DNAH11: variants seen among roughly 807,000 people sequenced by gnomAD.
DNAH11 encodes the protein dynein axonemal heavy chain 11.
In DNAH11, 442 loss-of-function variants were observed where a neutral mutation model predicts 526.0. The observed-to-expected ratio is 0.84, with a 90% CI of 0.78 to 0.91. The LOEUF (loss-of-function observed/expected upper bound fraction) is 0.91. DNAH11 is among the 40% of genes least tolerant of loss of function. The pLI is 0.00. For synonymous variants in DNAH11, 2,461 were observed against 1,935.9 expected (o/e 1.27, Z -7.12); for missense variants, 6,989 against 5,448.7 (o/e 1.28, Z -8.90).
At chr7:21,791,265 T>A (rs920825149) in intron 61 of DNAH11, among the ~76,000 whole-genome samples, 3 of 152,198 alleles carry the variant, frequency 2.0e-5, no homozygotes, top group South Asian at 2.1e-4. Context: ...CATGTGTGAT[T>A]TGGGGCTACC....
chr7:21,828,821 G>T, intron 65 of DNAH11, among the ~76,000 whole-genome samples: 1 of 143,170 alleles, frequency 7.0e-6, no homozygotes. Context: ...TGTTGTTGTT[G>T]TTGTTGTTGT....
intron 28 of DNAH11, among the ~76,000 whole-genome samples, chr7:21,645,082 G>A (rs556666459): frequency 6.6e-6 from 1 of 152,286 alleles, no homozygotes; most frequent in African/African-American, 2.4e-5. Flanking sequence ...ACAACATTAA[G>A]GTTATTATAA....
intron 3 of DNAH11, 91 bp downstream of exon 3, chr7:21,559,089 T>C (rs1249663082): frequency 6.2e-6 from 7 of 1,133,902 alleles, no homozygotes; most frequent in Middle Eastern, 2.7e-4. Flanking sequence ...ATTTGGAGGC[T>C]GAGGTGGGAG....
chr7:21,693,500 G>C (rs1293086324), intron 35 of DNAH11, among the ~76,000 whole-genome samples: 1 of 152,184 alleles, frequency 6.6e-6, no homozygotes, highest in African/African-American at 2.4e-5. Context: ...GTTGACAAGT[G>C]TCTTCTCTAT....
chr7:21,826,134 C>CTTTTTTCAATGCAGTA (rs1790284780), intron 65 of DNAH11, among the ~76,000 whole-genome samples: 1 of 152,022 alleles, frequency 6.6e-6, no homozygotes, highest in African/African-American at 2.4e-5. Context: ...ATCCAGGTGA[C>CTTTTTTCAATGCAGTA]AAAGCTGCGC....
At chr7:21,818,513 A>C (rs2128000944) in intron 65 of DNAH11, among the ~76,000 whole-genome samples, 174 bp downstream of exon 65, 1 of 152,266 alleles carries the variant, frequency 6.6e-6, no homozygotes, top group East Asian at 1.9e-4. Context: ...AGACTTTCAG[A>C]CTATTTATTT....
Position 21,854,509 on chromosome 7 carries a change from C to T in DNAH11, c.11202+54C>T, listed in dbSNP as rs150945232. ...GAAACTTTAGGAGTTCAATTTGTTT[C>T]TGGAACATTGGAATTTATTTTATTA... On this transcript the variant is annotated intron_variant, in intron 68 of 81. Transcript: ENST00000409508. 1.3e-4 allele frequency: 206 copies of T among 1,529,498 alleles called. No individual in the cohort carries two copies. The African/African-American group carries it at 2.7e-3, about 20-fold the overall frequency. 94.7% of individuals were successfully genotyped at this position (1,529,498 alleles called of 1,614,324 possible). A position where few individuals can be genotyped will look rare whatever the true frequency, so the allele number is the denominator to read the frequency against.
chr7:21,543,832 G>C (rs1467907160), intron 1 of DNAH11: 4 of 559,284 alleles, frequency 7.2e-6, no homozygotes, highest in Admixed American at 3.5e-5. Flanking sequence ...AGAATCCCGC[G>C]TTGAGCCTGT....
intron 1 of DNAH11, 122 bp from the exon 2 acceptor site, chr7:21,544,884 T>C (rs1782747433): frequency 2.7e-6 from 2 of 730,004 alleles, no homozygotes; most frequent in Non-Finnish European, 2.2e-6. Flanking sequence ...ACCTTGTTTA[T>C]AGGGCAGGCA....
At chr7:21,693,977 A>G (rs2128475850) in intron 35 of DNAH11, among the ~76,000 whole-genome samples, 1 of 152,254 alleles carries the variant, frequency 6.6e-6, no homozygotes, top group South Asian at 2.1e-4. Context: ...AGTGCCACGC[A>G]CTTTCAACCC....
chr7:21,683,970 A>T (rs2128473096), intron 32 of DNAH11, 26 bp downstream of exon 32: 1 of 1,610,000 alleles, frequency 6.2e-7, no homozygotes, highest in Middle Eastern at 1.7e-4. Flanking sequence ...TTCCGTCCAG[A>T]TAGGAAAAAC....
At chr7:21,790,353 G>GGCAGGAGAATGGCGTGAAC (rs1342984380) in intron 61 of DNAH11, among the ~76,000 whole-genome samples, 2 of 152,090 alleles carry the variant, frequency 1.3e-5, no homozygotes, top group Non-Finnish European at 2.9e-5. Flanking sequence ...AGGAGGCTGA[G>GGCAGGAGAATGGCGTGAAC]GCAGGAGAAT....
intron 32 of DNAH11, 89 bp from the exon 33 acceptor site, chr7:21,687,010 T>C: frequency 7.8e-7 from 1 of 1,287,030 alleles, no homozygotes. Flanking sequence ...TTCTAGAGCT[T>C]CTTAAACTTT....
rs528426220 is a variant in DNAH11, at chr7:21,610,858, G to A, written c.3852+4125G>A. Among the ~76,000 whole-genome samples the A allele has an allele frequency of 4.6e-5, 7 of 152,326 alleles. No individual in the cohort carries two copies. The East Asian group carries it at 5.8e-4, about 13-fold the overall frequency. On this transcript the variant is annotated intron_variant, in intron 20 of 81. Coordinates refer to ENST00000409508, the MANE Select transcript of DNAH11 (RefSeq NM_001277115.2). ...GAAAATATAAAAGAGCCTAAGGGACGCATAGAAAGAAGTTAGAATGCCGTC... is the reference window on the plus strand; with the variant it reads ...GAAAATATAAAAGAGCCTAAGGGACACATAGAAAGAAGTTAGAATGCCGTC...
At chr7:21,746,207 T>G (rs1486594361) in intron 51 of DNAH11, among the ~76,000 whole-genome samples, 1 of 152,168 alleles carries the variant, frequency 6.6e-6, no homozygotes, top group African/African-American at 2.4e-5. Context: ...GATACTGCTC[T>G]CCTAGTCCAA....
At chr7:21,857,762 A>G (rs918353234) in intron 68 of DNAH11, among the ~76,000 whole-genome samples, 1 of 152,152 alleles carries the variant, frequency 6.6e-6, no homozygotes, top group Non-Finnish European at 1.5e-5. Flanking sequence ...TGCTGGAGCA[A>G]TTGGATATCC....
chr7:21,697,243 G>T (rs534932292), intron 35 of DNAH11, among the ~76,000 whole-genome samples: 3 of 152,106 alleles, frequency 2.0e-5, no homozygotes, highest in East Asian at 3.9e-4. Flanking sequence ...AAACGTTGCT[G>T]TGAATAGCAA....
chr7:21,754,693 G>C (rs1442324320), intron 54 of DNAH11, among the ~76,000 whole-genome samples: 1 of 151,888 alleles, frequency 6.6e-6, no homozygotes, highest in African/African-American at 2.4e-5. Flanking sequence ...AGTAGAAATA[G>C]GATATCTCTG....
intron 28 of DNAH11, among the ~76,000 whole-genome samples, 178 bp from the exon 29 acceptor site, chr7:21,655,654 A>G (rs1781980195): frequency 6.6e-6 from 1 of 152,176 alleles, no homozygotes; most frequent in Admixed American, 6.6e-5. Flanking sequence ...TGGCCACTTC[A>G]CCACCAAGAT....
Sources: gnomAD v4.1 joint callset for allele counts (sites outside exome capture counted in the v4.1 genomes callset) on GRCh38, gnomAD v4.1.1 for gene constraint, MANE v1.5 for transcripts, NCBI Gene and HGNC (gene_info 2026-07-23, HGNC 2026-07-21) for gene names.